The following SSTR3 variants were observed in gnomAD, a reference collection of about 807,000 sequenced individuals.
SSTR3 encodes somatostatin receptor 3.
For missense variants in SSTR3, 504 were observed against 604.7 expected, an observed-to-expected ratio of 0.83 and a Z score of 1.75; for synonymous variants, 281 against 269.2, an observed-to-expected ratio of 1.04 and a Z score of -0.43.
upstream of SSTR3, among the ~76,000 whole-genome samples, chr22:37,212,656 A>T (rs1284614989): frequency 6.6e-6 from 1 of 152,170 alleles, no homozygotes; most frequent in Non-Finnish European, 1.5e-5. Flanking sequence ...GAATGTGCTC[A>T]GTGCTCAGGG....
In SSTR3 at chr22:37,207,224, G is replaced by A. The variant is rs1170753037; in HGVS notation, c.580C>T (p.Gln194Ter). The A allele has an allele frequency of 1.9e-6, 3 of 1,609,378 alleles. No homozygotes were observed. The highest frequency in any genetic ancestry group is 2.7e-5 in the African/African-American group (2 of 74,844). Residue 194 changes from glutamine to a stop codon, truncating the protein, a stop_gained, in exon 2 of 2, where the codon CAG becomes TAG. Coordinates refer to ENST00000610913, the MANE Select transcript of SSTR3 (RefSeq NM_001051.5). LOFTEE classifies it low-confidence loss of function (END_TRUNC). The part of the protein sequence containing the change: ...VPRGMSTCHM[Q>*]WPEPAAAWRA... ...CAGGCCGCCGCCGGCTCGGGCCACTGCATGTGGCAGGTGCTCATGCCGCGG... is the reference window on the plus strand; with the variant it reads ...CAGGCCGCCGCCGGCTCGGGCCACTACATGTGGCAGGTGCTCATGCCGCGG...
intron 1 of SSTR3, among the ~76,000 whole-genome samples, chr22:37,209,415 G>A (rs1319089706): frequency 6.6e-6 from 1 of 152,226 alleles, no homozygotes; most frequent in Non-Finnish European, 1.5e-5. Flanking sequence ...GGGGCTGGGA[G>A]AAGAGAAGGA....
chr22:37,215,416 C>T (rs183804613), upstream of SSTR3, among the ~76,000 whole-genome samples: 38 of 152,322 alleles, frequency 2.5e-4, no homozygotes, highest in East Asian at 7.1e-3. Flanking sequence ...GACGGAGTCT[C>T]GCGCTGTTGC....
rs1002263290 is a variant in SSTR3, at chr22:37,206,714, C to T, written c.1090G>A (p.Gly364Arg). The T allele has an allele frequency of 1.2e-6, 2 of 1,608,636 alleles. No individual in the cohort carries two copies. Among genetic ancestry groups the T allele is most frequent in the Admixed American group, 1.7e-5 (1 of 59,994 alleles). ...EEEDGEESRE[G>R]GKGKEMNGRV... ...CCGTTCATCTCCTTCCCCTTGCCCC[C>T]CTCCCTGCTCTCCTCCCCATCCTCC... The change falls in exon 2 of 2, where the codon GGG becomes AGG. Residue 364 changes from glycine to arginine, a missense_variant. By Grantham distance (125) the Gly-to-Arg change is moderately radical (BLOSUM62 -2). Coordinates refer to ENST00000610913, the MANE Select transcript of SSTR3 (RefSeq NM_001051.5).
the SSTR3 span, among the ~76,000 whole-genome samples, chr22:37,219,978 C>T: frequency 6.6e-6 from 1 of 152,150 alleles, no homozygotes; most frequent in African/African-American, 2.4e-5. Context: ...GTACAAATAA[C>T]ATTCATTCTG....
chr22:37,215,342 A>G (rs1388618149), upstream of SSTR3, among the ~76,000 whole-genome samples: 1 of 152,154 alleles, frequency 6.6e-6, no homozygotes, highest in Non-Finnish European at 1.5e-5. Flanking sequence ...TCAGCTTCTC[A>G]AAGTACTGGG....
chr22:37,210,863 C>T (rs929585192), intron 1 of SSTR3: 45 of 985,346 alleles, frequency 4.6e-5, no homozygotes, highest in Admixed American at 6.1e-5. Flanking sequence ...AACCCCAGAA[C>T]CTAGGACATC....
upstream of SSTR3, among the ~76,000 whole-genome samples, chr22:37,216,394 G>C (rs1421412898): frequency 6.6e-6 from 1 of 152,098 alleles, no homozygotes; most frequent in Non-Finnish European, 1.5e-5. Flanking sequence ...CTCAATATGA[G>C]TTTCGGTTAA....
At chr22:37,211,090 C>A (rs537432212) in intron 1 of SSTR3, 782 of 482,244 alleles carry the variant, frequency 1.6e-3, no homozygotes, top group Non-Finnish European at 2.0e-3. Context: ...GAATTCGAAC[C>A]CAGTTCTATC....
the SSTR3 span, among the ~76,000 whole-genome samples, chr22:37,219,627 C>T: frequency 6.6e-6 from 1 of 152,166 alleles, no homozygotes; most frequent in African/African-American, 2.4e-5. Flanking sequence ...GGTCAGAGAT[C>T]GGAGGAGCAG....
chr22:37,215,418 C>T (rs771986091), upstream of SSTR3, among the ~76,000 whole-genome samples: 5 of 152,162 alleles, frequency 3.3e-5, no homozygotes, highest in East Asian at 1.9e-4. Flanking sequence ...CGGAGTCTCG[C>T]GCTGTTGCCC....
rs376160893 is a variant in SSTR3 at position 37,207,215 on chromosome 22, C to T, written c.589G>A (p.Glu197Lys). Residue 197 changes from glutamate to lysine, a missense_variant, in exon 2 of 2, where the codon GAG (glutamate) becomes AAG (lysine). Coordinates refer to ENST00000610913, the MANE Select transcript of SSTR3 (RefSeq NM_001051.5). ...GMSTCHMQWP[E>K]PAAAWRAGFI... ...CCGGCTCGCCAGGCCGCCGCCGGCTCGGGCCACTGCATGTGGCAGGTGCTC... is the reference window on the plus strand; with the variant it reads ...CCGGCTCGCCAGGCCGCCGCCGGCTTGGGCCACTGCATGTGGCAGGTGCTC... 1.9e-4 allele frequency: 313 copies of T among 1,610,098 alleles called. 1 individual carries two copies. In the African/African-American group the frequency reaches 2.2e-3, roughly 11 times the overall value.
Position 37,207,261 on chromosome 22 carries a change from G to A in SSTR3, c.543C>T (p.Phe181=). ...TGCTCATGCCGCGGGGCACTCCCGA[G>A]AAGACCACCACGGGCAGCACCACCA... ...SAVVVLPVVV[F]SGVPRGMSTC... The change falls in exon 2 of 2, where the codon TTC becomes TTT. Residue 181 remains phenylalanine, a synonymous_variant. Transcript: ENST00000610913. 1 of 1,601,866 alleles carries A rather than the reference G, an allele frequency of 6.2e-7. No individual in the cohort carries two copies. Among genetic ancestry groups the A allele is most frequent in the Non-Finnish European group, 8.5e-7 (1 of 1,173,606 alleles).
chr22:37,213,823 C>T (rs1354867198), upstream of SSTR3, among the ~76,000 whole-genome samples: 1 of 152,230 alleles, frequency 6.6e-6, no homozygotes, highest in Non-Finnish European at 1.5e-5. Flanking sequence ...TGATTCCTGC[C>T]GCCTGCGCGG....
At chr22:37,219,287 C>T in the SSTR3 span, among the ~76,000 whole-genome samples, 1 of 152,226 alleles carries the variant, frequency 6.6e-6, no homozygotes, top group South Asian at 2.1e-4. Context: ...ATTTACACGT[C>T]TGTCTCTCCC....
At chr22:37,214,569 C>T (rs1926356117), upstream of SSTR3, among the ~76,000 whole-genome samples, 1 of 152,118 alleles carries the variant, frequency 6.6e-6, no homozygotes, top group African/African-American at 2.4e-5. Context: ...ATGTTTTTCT[C>T]CTGCTGATCT....
intron 1 of SSTR3, chr22:37,211,034 G>T: frequency 3.1e-6 from 3 of 962,760 alleles, no homozygotes; most frequent in Non-Finnish European, 3.7e-6. Flanking sequence ...GCTCAGAGAG[G>T]TTGAGTAAGC....
In SSTR3 at chr22:37,206,470, G is replaced by T; in HGVS notation, c.*77C>A. ...CTCAACATCCCATCATGGGCCTGTG[G>T]CACCTTGGGAAGTAGGCCCTAGGCA... On this transcript the variant is annotated 3_prime_UTR_variant, in exon 2 of 2. Transcript: ENST00000610913. 6.6e-7 allele frequency: 1 copy of T among 1,508,022 alleles called. No individual in the cohort carries two copies. Among genetic ancestry groups the T allele is most frequent in the South Asian group, 1.3e-5 (1 of 75,566 alleles). 93.4% of individuals were successfully genotyped at this position (1,508,022 alleles called of 1,614,324 possible).
At chr22:37,216,689 T>C (rs1028046339), upstream of SSTR3, among the ~76,000 whole-genome samples, 13 of 152,250 alleles carry the variant, frequency 8.5e-5, no homozygotes, top group African/African-American at 2.4e-4. Context: ...TCCATTGTTG[T>C]TTGGGGATTC....
Sources: gnomAD v4.1 joint callset for allele counts (sites outside exome capture counted in the v4.1 genomes callset) on GRCh38, gnomAD v4.1.1 for gene constraint, MANE v1.5 for transcripts, NCBI Gene and HGNC (gene_info 2026-07-23, HGNC 2026-07-21) for gene names.